CYTH2: variants seen among roughly 807,000 people sequenced by gnomAD.
The protein encoded by CYTH2 is cytohesin 2, also known as cytohesin-2.
A neutral mutation model predicts 55.4 loss-of-function variants in CYTH2; 24 were observed. The observed-to-expected ratio is 0.43, with a 90% CI of 0.31 to 0.61. The LOEUF (loss-of-function observed/expected upper bound fraction) is 0.61, where lower values mean the gene tolerates loss of function less well. Ranked by LOEUF, CYTH2 falls within the 20% of genes least tolerant of loss-of-function variation. The pLI is 0.08. For missense variants in CYTH2, 378 were observed against 533.5 expected, an observed-to-expected ratio of 0.71 and a Z score of 2.87; for synonymous variants, 221 against 209.6, an observed-to-expected ratio of 1.05 and a Z score of -0.47.
At chr19:48,470,979 C>T (rs1046400885) in intron 3 of CYTH2, among the ~76,000 whole-genome samples, 2 of 152,110 alleles carry the variant, frequency 1.3e-5, no homozygotes, top group African/African-American at 4.8e-5. Flanking sequence ...GTGACATGCA[C>T]AAAGGAGAGT....
intron 5 of CYTH2, chr19:48,473,611 A>G (rs1165350658): frequency 1.7e-6 from 1 of 601,818 alleles, no homozygotes; most frequent in Non-Finnish European, 2.9e-6. Context: ...TGCCTCTTGT[A>G]TTTGCCACTG....
In CYTH2 at chr19:48,474,277, G is replaced by A. The variant is rs1337549011; in HGVS notation, c.643G>A (p.Ala215Thr). 3 of 1,613,582 alleles carry A rather than the reference G, an allele frequency of 1.9e-6. No homozygotes were observed. Among genetic ancestry groups the A allele is most frequent in the Non-Finnish European group, 2.5e-6 (3 of 1,179,728 alleles). ...RDKPGLERFV[A>T]MNRGINEGGD... is the part of the protein sequence containing the mutation. The stretch of plus-strand genomic sequence containing the variant: ...CAAGCCGGGCCTGGAGCGCTTTGTG[G>A]CCATGAACCGGGGCATCAACGAGGG... Residue 215 changes from alanine to threonine, a missense_variant, in exon 7 of 12, where the codon GCC (alanine) becomes ACC (threonine). Physicochemically the swap from Ala to Thr is moderately conservative, Grantham distance 58. Coordinates refer to ENST00000452733, the MANE Select transcript of CYTH2 (RefSeq NM_004228.7). The surrounding 1 kb of genome is among the most constrained non-coding windows in gnomAD (Gnocchi z 4.9).
chr19:48,469,850 G>A (rs1295604094), intron 1 of CYTH2: 1 of 571,570 alleles, frequency 1.7e-6, no homozygotes, highest in Admixed American at 2.6e-5. Context: ...AGGGGCGCTT[G>A]GGTTGCGGGG....
chr19:48,472,243 G>A (rs1291104533), intron 3 of CYTH2, 82 bp from the exon 4 acceptor site: 8 of 1,256,996 alleles, frequency 6.4e-6, no homozygotes, highest in Admixed American at 3.4e-5. Context: ...GGTGGGGGTA[G>A]GTCTGGATGC....
rs142351955 is a variant in CYTH2 at position 48,475,632 on chromosome 19, A to G, written c.808+683A>G. 2.3e-3 allele frequency: 372 copies of G among 162,094 alleles called. 4 individuals carry two copies. The highest frequency in any genetic ancestry group is 8.3e-3 in the African/African-American group (348 of 41,712). 10.0% of individuals were successfully genotyped at this position (162,094 alleles called of 1,614,324 possible). A position where few individuals can be genotyped will look rare whatever the true frequency, so the allele number is the denominator to read the frequency against. ...ATGGATCAGACAGGATCGTAGCATG[A>G]TGAGGGGTTAGCACAAGGACTAGAG... On this transcript the variant is annotated intron_variant, in intron 8 of 11. Transcript: ENST00000452733.
chr19:48,480,573 T>G lies in CYTH2; in HGVS notation c.*1363T>G, dbSNP rs935917160. 1.3e-5 allele frequency: 2 copies of G among 151,802 alleles called. No homozygotes were observed. Among genetic ancestry groups the G allele is most frequent in the Non-Finnish European group, 2.9e-5 (2 of 67,948 alleles). 9.4% of individuals were successfully genotyped at this position (151,802 alleles called of 1,614,324 possible). A position where few individuals can be genotyped will look rare whatever the true frequency, so the allele number is the denominator to read the frequency against. On this transcript the variant is annotated 3_prime_UTR_variant, in exon 12 of 12. Coordinates refer to ENST00000452733, the MANE Select transcript of CYTH2 (RefSeq NM_004228.7). ...AAGCCACGGTGACCCAGACCCGAGG[T>G]TTTTCCGGGCGTCGCAGTTTCCCGA...
chr19:48,470,251 G>A, intron 1 of CYTH2, 102 bp from the exon 2 acceptor site: 2 of 1,473,484 alleles, frequency 1.4e-6, no homozygotes, highest in Non-Finnish European at 1.8e-6. Flanking sequence ...GACATAGGAA[G>A]CCCCTTACAC....
At position 48,479,305 on chromosome 19, in the gene CYTH2, T is replaced by G. The variant is rs12305; in HGVS notation, c.*95T>G. On this transcript the variant is annotated 3_prime_UTR_variant, in exon 12 of 12. Coordinates refer to ENST00000452733, the MANE Select transcript of CYTH2 (RefSeq NM_004228.7). ...GGGCTGTGGATCCTGGTTCCCTGTT[T>G]GGAAAATTCACCACCTCTAGCTCCT... is the stretch of plus-strand genomic sequence containing the variant. 0.023 allele frequency: 30,224 copies of G among 1,316,652 alleles called. 402 individuals carry two copies. Among genetic ancestry groups the G allele is most frequent in the Non-Finnish European group, 0.027 (24,922 of 923,906 alleles). The allele number at this position is 1,316,652 out of a possible 1,614,324, so 81.6% of individuals were successfully genotyped here.
chr19:48,477,780 G>A (rs910751485), intron 8 of CYTH2: 7 of 450,276 alleles, frequency 1.6e-5, no homozygotes, highest in East Asian at 3.4e-5. Context: ...CTGCCCTGGC[G>A]CCCTGGCGCC....
At chr19:48,479,007 T>C (rs1291781539) in intron 11 of CYTH2, 116 bp from the exon 12 acceptor site, 1 of 1,008,132 alleles carries the variant, frequency 9.9e-7, no homozygotes, top group African/African-American at 1.8e-5. Context: ...GGGCCTGGAC[T>C]CCTGGGTCTG....
chr19:48,471,444 G>C (rs1162760439), intron 3 of CYTH2, among the ~76,000 whole-genome samples: 1 of 152,204 alleles, frequency 6.6e-6, no homozygotes, highest in Non-Finnish European at 1.5e-5. Flanking sequence ...GAGCCACCGT[G>C]CCTGGCCTGT....
At chr19:48,476,177 C>T (rs1971908714) in intron 8 of CYTH2, 1 of 301,492 alleles carries the variant, frequency 3.3e-6, no homozygotes, top group South Asian at 2.5e-5. Flanking sequence ...GGGGCCCACC[C>T]CTGTAATTTC....
Position 48,479,992 on chromosome 19 carries a change from A to G in CYTH2, c.*782A>G, listed in dbSNP as rs1232423933. 2 of 152,346 alleles carry G rather than the reference A, an allele frequency of 1.3e-5. No individual in the cohort carries two copies. Among genetic ancestry groups the G allele is most frequent in the Non-Finnish European group, 2.9e-5 (2 of 68,134 alleles). The allele number at this position is 152,346 out of a possible 1,614,324, so 9.4% of individuals were successfully genotyped here. On this transcript the variant is annotated 3_prime_UTR_variant, in exon 12 of 12. Coordinates refer to ENST00000452733, the MANE Select transcript of CYTH2 (RefSeq NM_004228.7). ...TCAAAGGATCAGCCTCCTTTGGAGG[A>G]CATTTTGTGTCAAGGATAGGGCTGA...
At chr19:48,469,703 G>T in intron 1 of CYTH2, 177 bp downstream of exon 1, 1 of 1,009,696 alleles carries the variant, frequency 9.9e-7, no homozygotes, top group East Asian at 2.9e-5. Flanking sequence ...CGAAAGCCGG[G>T]CGTTCCAGGC....
intron 3 of CYTH2, 55 bp downstream of exon 3, chr19:48,470,724 C>T: frequency 6.2e-7 from 1 of 1,605,282 alleles, no homozygotes; most frequent in Non-Finnish European, 8.5e-7. Context: ...GCAGGGGCTT[C>T]TGGCACCTCC....
At position 48,482,240 on chromosome 19, in the gene CYTH2, T is replaced by G. The variant is rs1423705282; in HGVS notation, c.*3030T>G. The G allele has an allele frequency of 6.6e-6, 1 of 152,166 alleles. No individual in the cohort carries two copies. Among genetic ancestry groups the G allele is most frequent in the Non-Finnish European group, 1.5e-5 (1 of 68,068 alleles). 9.4% of individuals were successfully genotyped at this position (152,166 alleles called of 1,614,324 possible). A position where few individuals can be genotyped will look rare whatever the true frequency, so the allele number is the denominator to read the frequency against. ...GGTCTTCTGTCAGAGCAACACAAAA[T>G]GGACTCAGCACGGATCAAATTGTGT... On this transcript the variant is annotated 3_prime_UTR_variant, in exon 12 of 12. Coordinates refer to ENST00000452733, the MANE Select transcript of CYTH2 (RefSeq NM_004228.7).
chr19:48,472,957 ATGTCTGGGGGATGTGGGGGCTG>A (rs1014260661), intron 4 of CYTH2: 1 of 329,966 alleles, frequency 3.0e-6, no homozygotes, highest in Non-Finnish European at 5.8e-6. Flanking sequence ...GCATCTCTGG[ATGTCTGGGGGATGTGGGGGCTG>A]TGTCTGGATA....
intron 5 of CYTH2, 78 bp from the exon 6 acceptor site, chr19:48,473,827 G>C: frequency 1.7e-6 from 2 of 1,196,746 alleles, no homozygotes; most frequent in East Asian, 2.4e-5. Context: ...TCGTGGACCA[G>C]TTCCTAACAC....
chr19:48,473,425 G>A lies in CYTH2; in HGVS notation c.434+47G>A, dbSNP rs148521399. On this transcript the variant is annotated intron_variant, in intron 5 of 11. Coordinates refer to ENST00000452733, the MANE Select transcript of CYTH2 (RefSeq NM_004228.7). ...GGAACGCCAGGAATGTACCTGTCAG[G>A]GCCTTCCTAGTTACAAGTGACAAAC... 1.1e-4 allele frequency: 179 copies of A among 1,581,676 alleles called. 2 individuals are homozygous for A. The Middle Eastern group carries it at 4.0e-3, about 35-fold the overall frequency.
Sources: allele counts gnomAD v4.1 joint callset (sites outside exome capture counted in the v4.1 genomes callset), GRCh38; gene constraint gnomAD v4.1.1; non-coding constraint Gnocchi (gnomAD v3.1); transcripts MANE v1.5; gene names NCBI Gene and HGNC (gene_info 2026-07-23, HGNC 2026-07-21).